The following ERC2 variants were observed in gnomAD, a reference collection of about 807,000 sequenced individuals.
ERC2 encodes the protein ERC protein 2.
In ERC2, 42 loss-of-function variants were observed where a neutral mutation model predicts 114.8. The ratio of observed to expected loss-of-function variants is 0.37; its 90% confidence interval spans 0.29 to 0.47. ERC2 has a LOEUF of 0.47. ERC2 is among the 20% of genes least tolerant of loss of function. The pLI is 0.99. For missense variants in ERC2, 939 were observed against 1,150.7 expected (o/e 0.82, Z 2.66); for synonymous variants, 454 against 425.5 (o/e 1.07, Z -0.82).
intron 2 of ERC2, among the ~76,000 whole-genome samples, chr3:56,391,828 T>C (rs1368660206): frequency 6.6e-6 from 1 of 152,198 alleles, no homozygotes; most frequent in Admixed American, 6.5e-5. Context: ...ATTTGCCAAA[T>C]TAATTACAAA....
intron 17 of ERC2, among the ~76,000 whole-genome samples, chr3:55,607,377 G>C (rs971005641): frequency 1.3e-5 from 2 of 152,148 alleles, no homozygotes; most frequent in African/African-American, 4.8e-5. Flanking sequence ...GCCAAGACTG[G>C]GGTGGGTCAG....
At chr3:55,943,225 G>C (rs77727261) in intron 13 of ERC2, among the ~76,000 whole-genome samples, 9,676 of 152,228 alleles carry the variant, frequency 0.064, 434 homozygotes, top group Non-Finnish European at 0.094. Flanking sequence ...CTTGGAAAAA[G>C]TAAGAAGGTA....
chr3:55,958,869 C>T (rs1429902394), intron 12 of ERC2, among the ~76,000 whole-genome samples: 2 of 152,168 alleles, frequency 1.3e-5, no homozygotes, highest in Non-Finnish European at 2.9e-5. Context: ...CCTGAGAGCG[C>T]AGGGATGCAT....
chr3:55,739,830 T>C (rs1331035973), intron 14 of ERC2, among the ~76,000 whole-genome samples: 4 of 152,156 alleles, frequency 2.6e-5, no homozygotes, highest in African/African-American at 9.7e-5. Context: ...AAGTCTTTGC[T>C]CATGCCTATG....
intron 13 of ERC2, among the ~76,000 whole-genome samples, chr3:55,923,864 G>T (rs2065589605): frequency 6.6e-6 from 1 of 152,090 alleles, no homozygotes; most frequent in Non-Finnish European, 1.5e-5. Flanking sequence ...AGTCCCCTGG[G>T]ACCTCATAAT....
chr3:56,144,842 ACAGGGTAAAAAAAAT>A (rs1191588450), intron 5 of ERC2, among the ~76,000 whole-genome samples: 1 of 152,042 alleles, frequency 6.6e-6, no homozygotes, highest in Non-Finnish European at 1.5e-5. Context: ...GAACATAGTT[ACAGGGTAAAAAAAAT>A]CATATTCTCC....
intron 1 of ERC2, among the ~76,000 whole-genome samples, chr3:56,447,995 G>A (rs956809743): frequency 1.3e-5 from 2 of 151,968 alleles, no homozygotes; most frequent in African/African-American, 2.4e-5. Flanking sequence ...CACCCGCCTC[G>A]GCCTCCCAAA....
At position 55,875,690 on chromosome 3, in the gene ERC2, T is replaced by TCACACACA. The variant is rs71621803; in HGVS notation, c.2564+12691_2564+12698dup. 1.5e-3 allele frequency among the ~76,000 whole-genome samples: 217 copies of TCACACACA among 144,722 alleles called. 1 individual carries two copies. The highest frequency in any genetic ancestry group is 4.1e-3 in the African/African-American group (159 of 38,888). The allele number at this position is 144,722 out of a possible 152,430, so 94.9% of individuals were successfully genotyped here. On this transcript the variant is annotated intron_variant, in intron 14 of 17. Coordinates refer to ENST00000288221, the MANE Select transcript of ERC2 (RefSeq NM_015576.3). The stretch of plus-strand genomic sequence containing the variant: ...CCTCTTTTTCTGCCCCTAAACTCAT[T>TCACACACA]CACACACACACACACACACACACAC...
chr3:56,203,571 G>A (rs1459307862), intron 3 of ERC2, among the ~76,000 whole-genome samples: 1 of 152,176 alleles, frequency 6.6e-6, no homozygotes, highest in Non-Finnish European at 1.5e-5. Flanking sequence ...TTCCAGGTAT[G>A]AGGAAAAGGC....
intron 17 of ERC2, among the ~76,000 whole-genome samples, chr3:55,567,418 G>A (rs1253670826): frequency 6.6e-6 from 1 of 152,186 alleles, no homozygotes; most frequent in Admixed American, 6.5e-5. Flanking sequence ...TATGGGACAT[G>A]GAAGTCCTCA....
intron 8 of ERC2, among the ~76,000 whole-genome samples, chr3:56,013,999 T>C (rs145020872): frequency 3.3e-5 from 5 of 152,326 alleles, no homozygotes; most frequent in African/African-American, 1.2e-4. Flanking sequence ...AACGGTTTTA[T>C]CTGTGCTTTC....
chr3:56,462,896 A>G (rs1369561823), intron 1 of ERC2, among the ~76,000 whole-genome samples: 3 of 152,274 alleles, frequency 2.0e-5, no homozygotes, highest in Non-Finnish European at 4.4e-5. Context: ...TGTCACCAAG[A>G]CCAAGATCCT....
In ERC2 at chr3:55,882,275, C is replaced by T. The variant is rs62253660; in HGVS notation, c.2564+6114G>A. ...CATACAGCTTTCCTTTCCCTTCTGC[C>T]GTAAGTGGAAGCAGCCTGAGGCCCT... is the stretch of plus-strand genomic sequence containing the variant. On this transcript the variant is annotated intron_variant, in intron 14 of 17. Transcript: ENST00000288221. Among the ~76,000 whole-genome samples, 16 of 152,208 alleles carry T rather than the reference C, an allele frequency of 1.1e-4. No individual in the cohort carries two copies. In the South Asian group the frequency reaches 2.7e-3, roughly 26 times the overall value.
intron 12 of ERC2, among the ~76,000 whole-genome samples, chr3:55,962,538 C>G (rs565022265): frequency 2.0e-5 from 3 of 152,334 alleles, no homozygotes; most frequent in African/African-American, 7.2e-5. Context: ...GAACCCTGGT[C>G]TAGAACATGA....
intron 14 of ERC2, among the ~76,000 whole-genome samples, chr3:55,796,594 T>C (rs972290123): frequency 3.9e-5 from 6 of 152,164 alleles, no homozygotes; most frequent in Admixed American, 3.9e-4. Flanking sequence ...CCCAGCTAAC[T>C]TTTGTATTTT....
intron 13 of ERC2, among the ~76,000 whole-genome samples, chr3:55,935,521 T>C (rs950178447): frequency 4.6e-5 from 7 of 152,218 alleles, no homozygotes; most frequent in African/African-American, 7.2e-5. Flanking sequence ...TCTTGGCTAG[T>C]GAGAAAATTC....
Position 56,303,862 on chromosome 3 carries a change from G to A in ERC2, c.658-7427C>T, listed in dbSNP as rs1423985863. 6.6e-5 allele frequency among the ~76,000 whole-genome samples: 10 copies of A among 152,144 alleles called. No individual in the cohort carries two copies. The East Asian group carries it at 1.9e-3, about 29-fold the overall frequency. ...GACAGGCAGTGGGTGGGCAAGGACT[G>A]GGAGAGGCGATTAGGCAGAGAACAA... is the stretch of plus-strand genomic sequence containing the variant. On this transcript the variant is annotated intron_variant, in intron 2 of 17. Coordinates refer to ENST00000288221, the MANE Select transcript of ERC2 (RefSeq NM_015576.3).
chr3:56,437,554 T>C (rs1483836743), intron 1 of ERC2, among the ~76,000 whole-genome samples: 1 of 152,362 alleles, frequency 6.6e-6, no homozygotes, highest in South Asian at 2.1e-4. Flanking sequence ...GAAAAAATGT[T>C]TTCTATAAAG....
chr3:55,934,156 T>C (rs1356259304), intron 13 of ERC2, among the ~76,000 whole-genome samples: 1 of 152,120 alleles, frequency 6.6e-6, no homozygotes, highest in Non-Finnish European at 1.5e-5. Context: ...CTGCCAAACA[T>C]TAAGAAAAGT....
Sources: gnomAD v4.1 joint callset for allele counts (sites outside exome capture counted in the v4.1 genomes callset) on GRCh38, gnomAD v4.1.1 for gene constraint, MANE v1.5 for transcripts, NCBI Gene and HGNC (gene_info 2026-07-23, HGNC 2026-07-21) for gene names.